Variants in WDR27 observed in about 807,000 individuals in gnomAD.
WDR27 encodes WD repeat domain 27.
A neutral mutation model predicts 114.4 loss-of-function variants in WDR27; 100 were observed. The observed-to-expected ratio is 0.87, with a 90% CI of 0.74 to 1.03. The LOEUF is 1.03. Ranked by LOEUF, WDR27 falls within the 50% of genes least tolerant of loss-of-function variation. The probability of loss-of-function intolerance (pLI) is 0.00; values close to 1 mark genes in which losing one functional copy is unlikely to be tolerated. For missense variants in WDR27, 1,129 were observed against 1,092.9 expected (o/e 1.03, Z -0.47); for synonymous variants, 449 against 423.1 (o/e 1.06, Z -0.75).
chr6:169,544,778 A>G (rs566305349), intron 25 of WDR27, among the ~76,000 whole-genome samples: 1 of 152,324 alleles, frequency 6.6e-6, no homozygotes, highest in East Asian at 1.9e-4. Context: ...TCATGTGGAA[A>G]CCAACTTTTA....
intron 23 of WDR27, among the ~76,000 whole-genome samples, chr6:169,585,839 G>A (rs1804442495): frequency 6.6e-6 from 1 of 152,126 alleles, no homozygotes; most frequent in African/African-American, 2.4e-5. Context: ...GGAGGTGGAA[G>A]GGGAGGCAGC....
chr6:169,492,303 A>ATTAAT (rs1226496096), intron 25 of WDR27, among the ~76,000 whole-genome samples: 1 of 152,086 alleles, frequency 6.6e-6, no homozygotes, highest in Non-Finnish European at 1.5e-5. Flanking sequence ...ATATTAAAGA[A>ATTAAT]TTACCTCAAA....
At chr6:169,440,386 TTTTTAG>T in the WDR27 span, among the ~76,000 whole-genome samples, 2 of 152,186 alleles carry the variant, frequency 1.3e-5, no homozygotes, top group Non-Finnish European at 2.9e-5. Context: ...TTAAATTTAG[TTTTTAG>T]TTTTAGTTTA....
chr6:169,656,972 C>T (rs1442860056), intron 13 of WDR27, among the ~76,000 whole-genome samples: 4 of 152,174 alleles, frequency 2.6e-5, no homozygotes, highest in African/African-American at 7.2e-5. Flanking sequence ...TCCCCCCGGC[C>T]TTCATTCTCA....
At chr6:169,529,318 G>GA (rs35399395) in intron 25 of WDR27, among the ~76,000 whole-genome samples, 6 of 143,616 alleles carry the variant, frequency 4.2e-5, no homozygotes, top group Non-Finnish European at 9.2e-5. Flanking sequence ...TCTGCGGGGG[G>GA]GGGGGGCAGC....
chr6:169,608,736 C>T (rs757050312), intron 22 of WDR27, among the ~76,000 whole-genome samples: 101 of 152,300 alleles, frequency 6.6e-4, no homozygotes, highest in Non-Finnish European at 9.6e-4. Context: ...ATCTCATGTC[C>T]TCACATTTCA....
At chr6:169,468,947 ATCTC>A (rs1029124669) in intron 25 of WDR27, among the ~76,000 whole-genome samples, 2 of 152,202 alleles carry the variant, frequency 1.3e-5, no homozygotes, top group Middle Eastern at 3.4e-3. Context: ...GGAGAGAAAC[ATCTC>A]TCTTTCTTCT....
intron 25 of WDR27, among the ~76,000 whole-genome samples, chr6:169,547,485 G>A (rs2128099600): frequency 6.6e-6 from 1 of 152,250 alleles, no homozygotes; most frequent in East Asian, 1.9e-4. Context: ...CCTTGACCAG[G>A]TGGGATTTAT....
the WDR27 span, among the ~76,000 whole-genome samples, chr6:169,448,087 A>G: frequency 1.1e-3 from 169 of 152,294 alleles, 4 homozygotes; most frequent in East Asian, 0.031. Flanking sequence ...AGTGCATAAG[A>G]TTTTATAATA....
intron 25 of WDR27, among the ~76,000 whole-genome samples, chr6:169,490,117 A>C (rs1338417765): frequency 6.6e-6 from 1 of 152,178 alleles, no homozygotes; most frequent in African/African-American, 2.4e-5. Flanking sequence ...GTCACCACTA[A>C]AGGGTCCACG....
intron 13 of WDR27, 89 bp downstream of exon 13, chr6:169,658,187 T>C (rs1337561281): frequency 9.7e-7 from 1 of 1,032,724 alleles, no homozygotes. Context: ...TATTTTAACA[T>C]AAGAATTCGC....
rs188075787 is a variant in WDR27 at position 169,590,741 on chromosome 6, C to T, written c.2425-7807G>A. ...TCTCTGGCACTTCCTCTTGTAAAGACGTAGCAGAACAGGGCACTGGTGTGG... is the reference window on the plus strand; with the variant it reads ...TCTCTGGCACTTCCTCTTGTAAAGATGTAGCAGAACAGGGCACTGGTGTGG... On this transcript the variant is annotated intron_variant, in intron 23 of 25. Coordinates refer to ENST00000448612, the MANE Select transcript of WDR27 (RefSeq NM_182552.5). Among the ~76,000 whole-genome samples the T allele has an allele frequency of 1.9e-3, 285 of 152,346 alleles. 1 individual carries two copies. Among genetic ancestry groups the T allele is most frequent in the Admixed American group, 0.016 (239 of 15,302 alleles).
downstream of WDR27, among the ~76,000 whole-genome samples, chr6:169,454,658 G>T (rs745398): frequency 3.3e-5 from 5 of 152,204 alleles, no homozygotes; most frequent in East Asian, 9.7e-4. Context: ...TTGGGACCAC[G>T]ATCACATTCT....
intron 25 of WDR27, among the ~76,000 whole-genome samples, chr6:169,499,263 C>T (rs1208422346): frequency 6.6e-6 from 1 of 152,228 alleles, no homozygotes; most frequent in African/African-American, 2.4e-5. Flanking sequence ...CGAGGGTGCA[C>T]AGCAGAAGGC....
intron 13 of WDR27, among the ~76,000 whole-genome samples, chr6:169,655,766 C>A (rs1824004718): frequency 6.6e-6 from 1 of 152,188 alleles, no homozygotes; most frequent in Admixed American, 6.5e-5. Context: ...GTTGCCCAGG[C>A]TAGAGTGCAA....
chr6:169,625,770 G>T (rs1181770198), intron 21 of WDR27, among the ~76,000 whole-genome samples: 1 of 152,162 alleles, frequency 6.6e-6, no homozygotes, highest in Non-Finnish European at 1.5e-5. Flanking sequence ...CTGGGGCTCT[G>T]GGGGGGATGA....
intron 25 of WDR27, among the ~76,000 whole-genome samples, chr6:169,547,123 C>T (rs2128099248): frequency 6.6e-6 from 1 of 152,200 alleles, no homozygotes; most frequent in Non-Finnish European, 1.5e-5. Flanking sequence ...TGCCAAAACT[C>T]ACACAAGAAG....
intron 7 of WDR27, chr6:169,664,518 C>A (rs905375354): frequency 1.4e-6 from 2 of 1,390,420 alleles, no homozygotes; most frequent in African/African-American, 2.9e-5. Context: ...GCTCAGGGCA[C>A]ATGGGCAGGA....
the WDR27 span, among the ~76,000 whole-genome samples, chr6:169,444,704 G>A: frequency 6.6e-6 from 1 of 151,068 alleles, no homozygotes; most frequent in African/African-American, 2.4e-5. Context: ...GTTTTGCAAC[G>A]GTTTAGATTT....
Sources: allele counts gnomAD v4.1 joint callset (sites outside exome capture counted in the v4.1 genomes callset), GRCh38; gene constraint gnomAD v4.1.1; transcripts MANE v1.5; gene names NCBI Gene and HGNC (gene_info 2026-07-23, HGNC 2026-07-21).